Variants in ATOSA observed in about 807,000 individuals in gnomAD.
ATOSA encodes the protein atos homolog protein A.
chr15:52,587,490 T>C, the ATOSA span: 2 of 242,810 alleles, frequency 8.2e-6, no homozygotes, highest in Non-Finnish European at 7.8e-6. Flanking sequence ...AAGAAAGAAG[T>C]TCCTAACTAA....
At chr15:52,701,987 G>T in the ATOSA span, among the ~76,000 whole-genome samples, 1 of 151,850 alleles carries the variant, frequency 6.6e-6, no homozygotes, top group Non-Finnish European at 1.5e-5. Flanking sequence ...ACAGAAAAAT[G>T]GGCAAATAAC....
chr15:52,584,145 C>CA, the ATOSA span, among the ~76,000 whole-genome samples: 7 of 125,342 alleles, frequency 5.6e-5, no homozygotes, highest in African/African-American at 2.1e-4. Flanking sequence ...GCTCATATTA[C>CA]TTTTTTTTTT....
the ATOSA span, among the ~76,000 whole-genome samples, chr15:52,633,086 T>C: frequency 5.6e-4 from 85 of 152,178 alleles, no homozygotes; most frequent in Non-Finnish European, 1.5e-4. Context: ...GGGAATGATA[T>C]GTATTAGGGG....
chr15:52,609,808 T>C, the ATOSA span: 2 of 1,613,318 alleles, frequency 1.2e-6, no homozygotes, highest in Non-Finnish European at 1.7e-6. Flanking sequence ...TTCTTGCCGC[T>C]CCTGAATTAA....
chr15:52,689,856 A>G, the ATOSA span, among the ~76,000 whole-genome samples: 1 of 152,230 alleles, frequency 6.6e-6, no homozygotes, highest in African/African-American at 2.4e-5. Context: ...AGCCTCCCTA[A>G]CAATGGGCAA....
chr15:52,656,892 G>C, the ATOSA span: 4 of 152,056 alleles, frequency 2.6e-5, no homozygotes, highest in Non-Finnish European at 4.4e-5. Flanking sequence ...TTCTTTTAAA[G>C]ATATATTCTG....
At chr15:52,658,830 T>TAAAAAAAAAAAAAA in the ATOSA span, 1 of 273,126 alleles carries the variant, frequency 3.7e-6, no homozygotes, top group African/African-American at 3.6e-5. Flanking sequence ...AAAAAAAAAG[T>TAAAAAAAAAAAAAA]TAAAAATCAG....
the ATOSA span, among the ~76,000 whole-genome samples, chr15:52,598,999 C>T: frequency 6.6e-6 from 1 of 152,192 alleles, no homozygotes; most frequent in Non-Finnish European, 1.5e-5. Context: ...TAAAAGCTCC[C>T]TGAGGCCTCA....
chr15:52,610,294 A>G, the ATOSA span: 9,729 of 1,614,058 alleles, frequency 6.0e-3, 43 homozygotes, highest in Non-Finnish European at 7.5e-3. Context: ...TTTCAAGGCA[A>G]CATTGTGAGA....
chr15:52,639,436 A>G, the ATOSA span, among the ~76,000 whole-genome samples: 1 of 152,214 alleles, frequency 6.6e-6, no homozygotes, highest in East Asian at 1.9e-4. Context: ...TCAGGTTTCT[A>G]TATTTTACAG....
chr15:52,662,580 C>T, the ATOSA span, among the ~76,000 whole-genome samples: 21 of 152,112 alleles, frequency 1.4e-4, no homozygotes, highest in East Asian at 9.7e-4. Flanking sequence ...ACCATCCTGG[C>T]TAACACAGTG....
the ATOSA span, among the ~76,000 whole-genome samples, chr15:52,665,394 A>T: frequency 1.4e-4 from 21 of 152,238 alleles, no homozygotes; most frequent in African/African-American, 4.3e-4. Context: ...TCAGATAGTA[A>T]TTAGTCATTT....
At chr15:52,608,953 T>C in the ATOSA span, 1 of 1,610,436 alleles carries the variant, frequency 6.2e-7, no homozygotes. Flanking sequence ...CTTATACTTA[T>C]TTGTACAAAT....
chr15:52,670,022 G>C, the ATOSA span, among the ~76,000 whole-genome samples: 5 of 152,086 alleles, frequency 3.3e-5, no homozygotes, highest in Non-Finnish European at 7.4e-5. Flanking sequence ...TGTTCATTAG[G>C]GTCTACTATC....
the ATOSA span, among the ~76,000 whole-genome samples, chr15:52,637,310 G>T: frequency 6.6e-6 from 1 of 152,000 alleles, no homozygotes; most frequent in Non-Finnish European, 1.5e-5. Flanking sequence ...GAGAAAAAGG[G>T]AGAAAATTAA....
At chr15:52,651,618 T>C in the ATOSA span, among the ~76,000 whole-genome samples, 21 of 152,214 alleles carry the variant, frequency 1.4e-4, no homozygotes, top group African/African-American at 4.6e-4. Context: ...CACATTGTAC[T>C]TGGTTTCTTT....
chr15:52,609,689 A>G, the ATOSA span: 46 of 1,613,660 alleles, frequency 2.9e-5, no homozygotes, highest in Non-Finnish European at 3.7e-5. Context: ...GAAACCCGGA[A>G]AAGTTTTGAA....
chr15:52,678,083 T>A, the ATOSA span: 2 of 1,586,002 alleles, frequency 1.3e-6, no homozygotes, highest in African/African-American at 2.7e-5. Flanking sequence ...TTCAACAGGC[T>A]CGCCGCTGAT....
At chr15:52,582,085 C>T in the ATOSA span, 5 of 1,295,376 alleles carry the variant, frequency 3.9e-6, no homozygotes, top group South Asian at 1.7e-5. Context: ...ATTTGGTACA[C>T]TCCATTCTAT....
Sources: allele counts gnomAD v4.1 joint callset (sites outside exome capture counted in the v4.1 genomes callset), GRCh38; gene constraint gnomAD v4.1.1; transcripts MANE v1.5; gene names NCBI Gene and HGNC (gene_info 2026-07-23, HGNC 2026-07-21).